The following GPHN variants were observed in gnomAD, a reference collection of about 807,000 sequenced individuals.
GPHN encodes gephyrin.
GPHN carries 17 observed loss-of-function variants against 95.5 expected under a neutral mutation model. The ratio of observed to expected loss-of-function variants is 0.18; its 90% confidence interval spans 0.12 to 0.27. The LOEUF (loss-of-function observed/expected upper bound fraction) is 0.27, where lower values mean the gene tolerates loss of function less well. GPHN is among the 10% of genes least tolerant of loss of function. GPHN has a pLI of 1.00. For synonymous variants in GPHN, 320 were observed against 322.5 expected, an observed-to-expected ratio of 0.99 and a Z score of 0.08; for missense variants, 660 against 978.1, an observed-to-expected ratio of 0.67 and a Z score of 4.34.
At chr14:67,287,068 A>G in the GPHN span, among the ~76,000 whole-genome samples, 23,478 of 151,876 alleles carry the variant, frequency 0.15, 3,425 homozygotes, top group East Asian at 0.42. Context: ...ATACAAAAAA[A>G]TTAGTTGGGT....
At chr14:66,936,051 G>A (rs1289480285) in intron 8 of GPHN, among the ~76,000 whole-genome samples, 1 of 152,076 alleles carries the variant, frequency 6.6e-6, no homozygotes, top group African/African-American at 2.4e-5. Context: ...GACATTTTGG[G>A]AGGTGACAAA....
the GPHN span, among the ~76,000 whole-genome samples, chr14:67,245,112 C>A: frequency 6.6e-6 from 1 of 152,128 alleles, no homozygotes; most frequent in East Asian, 1.9e-4. Context: ...GTAATTTTAG[C>A]CAAGGGAGAC....
At chr14:66,953,032 A>T (rs1213179434) in intron 8 of GPHN, among the ~76,000 whole-genome samples, 1 of 151,030 alleles carries the variant, frequency 6.6e-6, no homozygotes, top group African/African-American at 2.5e-5. Flanking sequence ...AATGGGTGTG[A>T]AATGGCATCT....
intron 3 of GPHN, among the ~76,000 whole-genome samples, chr14:66,792,794 T>C (rs1005636408): frequency 2.0e-5 from 3 of 152,238 alleles, no homozygotes; most frequent in Non-Finnish European, 2.9e-5. Context: ...TCTCACAGCC[T>C]TCAGAGCTGA....
the GPHN span, among the ~76,000 whole-genome samples, chr14:67,440,103 T>TG: frequency 5.3e-5 from 8 of 152,214 alleles, no homozygotes; most frequent in African/African-American, 1.9e-4. Context: ...CCCAAAGTGC[T>TG]GGGATTACAG....
At chr14:67,538,828 C>T in the GPHN span, among the ~76,000 whole-genome samples, 7 of 152,226 alleles carry the variant, frequency 4.6e-5, no homozygotes, top group South Asian at 4.2e-4. Context: ...CATGATGTTA[C>T]GGAGATGCTT....
chr14:67,481,512 T>G, the GPHN span, among the ~76,000 whole-genome samples: 3 of 152,032 alleles, frequency 2.0e-5, no homozygotes, highest in African/African-American at 7.3e-5. Flanking sequence ...GGGCAGAAGA[T>G]GGGGTTGAAG....
chr14:67,633,911 C>G, the GPHN span, among the ~76,000 whole-genome samples: 1 of 152,202 alleles, frequency 6.6e-6, no homozygotes, highest in Non-Finnish European at 1.5e-5. Flanking sequence ...CCTGACCCTT[C>G]TCTTCCTGGG....
chr14:66,833,608 A>G (rs2061669510), intron 4 of GPHN, among the ~76,000 whole-genome samples: 2 of 152,068 alleles, frequency 1.3e-5, no homozygotes, highest in East Asian at 1.9e-4. Flanking sequence ...GCACATGAAT[A>G]CATTCCTCAG....
the GPHN span, chr14:67,254,160 A>G: frequency 3.6e-5 from 5 of 139,506 alleles, no homozygotes; most frequent in Admixed American, 1.5e-4. Context: ...TCTGATATCT[A>G]TACTAGATTT....
intron 4 of GPHN, among the ~76,000 whole-genome samples, chr14:66,853,252 A>G (rs955054668): frequency 4.6e-5 from 7 of 152,228 alleles, no homozygotes; most frequent in Admixed American, 3.9e-4. Flanking sequence ...ACAACAGACC[A>G]ATGTAACACT....
intron 1 of GPHN, among the ~76,000 whole-genome samples, chr14:66,625,634 A>C (rs538139768): frequency 6.6e-6 from 1 of 152,056 alleles, no homozygotes; most frequent in Non-Finnish European, 1.5e-5. Flanking sequence ...TTCTTCCTCC[A>C]ATGCCTGTTT....
At chr14:67,672,261 G>A in the GPHN span, among the ~76,000 whole-genome samples, 2 of 151,514 alleles carry the variant, frequency 1.3e-5, no homozygotes, top group Non-Finnish European at 2.9e-5. Flanking sequence ...TGGGACTACA[G>A]GCATGCACCA....
At chr14:67,421,915 A>G in the GPHN span, among the ~76,000 whole-genome samples, 1 of 152,178 alleles carries the variant, frequency 6.6e-6, no homozygotes, top group Admixed American at 6.5e-5. Context: ...TGATAGACAA[A>G]TAACCTGAGT....
chr14:66,675,003 C>G (rs1017419862), intron 1 of GPHN, among the ~76,000 whole-genome samples: 4 of 152,124 alleles, frequency 2.6e-5, no homozygotes, highest in African/African-American at 9.7e-5. Context: ...TTTATAATAG[C>G]CATTCTGACT....
Position 66,513,084 on chromosome 14 carries a change from A to G in GPHN, c.64+4493A>G, listed in dbSNP as rs370719208. 1.2e-4 allele frequency among the ~76,000 whole-genome samples: 18 copies of G among 151,900 alleles called. No homozygotes were observed. In the South Asian group the frequency reaches 1.2e-3, roughly 10 times the overall value. On this transcript the variant is annotated intron_variant, in intron 1 of 22. Transcript: ENST00000478722. The stretch of plus-strand genomic sequence containing the variant: ...TTTTGTGAATTTTTTGTTGAAAGCA[A>G]TGTATTAGAGAATTAAATGTTTAGG...
chr14:67,144,236 T>TAAAA (rs1216565518), intron 18 of GPHN, among the ~76,000 whole-genome samples: 18 of 54,098 alleles, frequency 3.3e-4, no homozygotes, highest in East Asian at 1.6e-3. Context: ...GACCCTGTCT[T>TAAAA]AAAAAAAAAA....
At chr14:67,337,381 G>A in the GPHN span, 14 of 152,132 alleles carry the variant, frequency 9.2e-5, no homozygotes, top group East Asian at 1.9e-4. Context: ...GCATGGTGGC[G>A]CAAACCTGTA....
At chr14:67,406,088 G>A in the GPHN span, among the ~76,000 whole-genome samples, 996 of 152,042 alleles carry the variant, frequency 6.6e-3, 11 homozygotes, top group African/African-American at 0.02. Context: ...GTTAAACCCC[G>A]TCTCTACTAA....
Sources: allele counts gnomAD v4.1 joint callset (sites outside exome capture counted in the v4.1 genomes callset), GRCh38; gene constraint gnomAD v4.1.1; transcripts MANE v1.5; gene names NCBI Gene and HGNC (gene_info 2026-07-23, HGNC 2026-07-21).